PLCD4: variants seen among roughly 807,000 people sequenced by gnomAD.
The protein encoded by PLCD4 is 1-phosphatidylinositol 4,5-bisphosphate phosphodiesterase delta-4.
A neutral mutation model predicts 90.2 loss-of-function variants in PLCD4; 63 were observed. The ratio of observed to expected loss-of-function variants is 0.70; its 90% CI spans 0.57 to 0.86. The LOEUF (loss-of-function observed/expected upper bound fraction) is 0.86. PLCD4 is among the 40% of genes least tolerant of loss of function. The pLI is 0.00. For synonymous variants in PLCD4, 294 were observed against 356.5 expected (o/e 0.82, Z 1.97); for missense variants, 830 against 956.3 (o/e 0.87, Z 1.74).
chr2:218,621,377 A>G (rs1575022955), intron 4 of PLCD4, 93 bp from the exon 5 acceptor site: 208 of 1,444,500 alleles, frequency 1.4e-4, no homozygotes, highest in East Asian at 1.2e-4. Context: ...GACTGGCAGG[A>G]AAGAGAGGGG....
chr2:218,624,639 G>A (rs765567989), intron 6 of PLCD4, among the ~76,000 whole-genome samples: 22 of 150,868 alleles, frequency 1.5e-4, no homozygotes, highest in Non-Finnish European at 2.4e-4. Flanking sequence ...AGAATCGCTT[G>A]AACTCGGGAG....
intron 13 of PLCD4, among the ~76,000 whole-genome samples, chr2:218,635,109 TA>T (rs1384603415): frequency 6.6e-6 from 1 of 151,842 alleles, no homozygotes; most frequent in Non-Finnish European, 1.5e-5. Context: ...ACAAAAAATT[TA>T]AAAATTAGCC....
Position 218,615,690 on chromosome 2 carries a change from C to T in PLCD4, c.-33-17C>T, listed in dbSNP as rs375047835. The T allele has an allele frequency of 7.7e-5, 119 of 1,547,068 alleles. No homozygotes were observed. The highest frequency in any genetic ancestry group is 9.1e-5 in the Non-Finnish European group (105 of 1,148,788). ...CAAGATTCACCCAGAGCCCTTTGCT[C>T]TTCCTTGCTCCTTTAGGTGATCTGG... On this transcript the variant is annotated splice_polypyrimidine_tract_variant and intron_variant, in intron 1 of 15. Coordinates refer to ENST00000450993, the MANE Select transcript of PLCD4 (RefSeq NM_032726.4).
At chr2:218,629,944 G>C (rs1696287080) in intron 8 of PLCD4, among the ~76,000 whole-genome samples, 2 of 152,222 alleles carry the variant, frequency 1.3e-5, no homozygotes, top group Non-Finnish European at 2.9e-5. Flanking sequence ...CTGGGAGGCC[G>C]AGGCGGGTGG....
chr2:218,616,921 TATATATAG>T (rs1695617986), intron 3 of PLCD4, among the ~76,000 whole-genome samples: 2 of 24,958 alleles, frequency 8.0e-5, no homozygotes, highest in Middle Eastern at 0.018. Context: ...TATATATATA[TATATATAG>T]AGAGAGAGAG....
chr2:218,630,646 C>A lies in PLCD4; in HGVS notation c.1120-4C>A. On this transcript the variant is annotated splice_polypyrimidine_tract_variant and splice_region_variant and intron_variant, in intron 8 of 15. Coordinates refer to ENST00000450993, the MANE Select transcript of PLCD4 (RefSeq NM_032726.4). Reference sequence around the variant, plus strand: ...AATCCATTGTTCCCTCCCCTCACCACCAGACATCAGACTACCCAGTCATCT... The same window carrying A: ...AATCCATTGTTCCCTCCCCTCACCAACAGACATCAGACTACCCAGTCATCT... The A allele has an allele frequency of 6.2e-7, 1 of 1,614,030 alleles. No homozygotes were observed.
chr2:218,615,955 G>T lies in PLCD4; in HGVS notation c.74G>T (p.Arg25Leu). The change falls in exon 3 of 16, where the codon CGC becomes CTC. Residue 25 changes from arginine (R) to leucine (L), a missense_variant. By Grantham distance (102) the Arg-to-Leu change is moderately radical (BLOSUM62 -2). Transcript: ENST00000450993. ...CTGATGCAGGAAGGCATGCCGATGC[G>T]CAAGGTGAGGTCCAAAAGCTGGAAG... Reference protein sequence around the residue: ...LLLMQEGMPMRKVRSKSWKKL... With the variant: ...LLLMQEGMPMLKVRSKSWKKL... 3.7e-6 allele frequency: 6 copies of T among 1,614,054 alleles called. No homozygotes were observed. Among genetic ancestry groups the T allele is most frequent in the Non-Finnish European group, 4.2e-6 (5 of 1,179,908 alleles).
At chr2:218,636,168 G>C in intron 14 of PLCD4, 75 bp from the exon 15 acceptor site, 1 of 1,498,770 alleles carries the variant, frequency 6.7e-7, no homozygotes, top group South Asian at 1.2e-5. Context: ...TAGATTAAAT[G>C]AGAACACAAG....
chr2:218,631,988 T>G, intron 9 of PLCD4, 148 bp from the exon 10 acceptor site: 1 of 732,570 alleles, frequency 1.4e-6, no homozygotes, highest in Non-Finnish European at 2.2e-6. Flanking sequence ...GAATTCCAAT[T>G]GTATGTATCA....
intron 7 of PLCD4, chr2:218,628,675 G>T (rs1696222795): frequency 6.1e-6 from 1 of 163,870 alleles, no homozygotes; most frequent in African/African-American, 2.4e-5. Context: ...TGCCTATTCT[G>T]TCTGGGTTGT....
intron 9 of PLCD4, among the ~76,000 whole-genome samples, chr2:218,631,195 G>A (rs975739877): frequency 6.6e-6 from 1 of 151,878 alleles, no homozygotes; most frequent in Non-Finnish European, 1.5e-5. Context: ...ACAGAGTTTC[G>A]CTCTTGTCGC....
chr2:218,630,620 G>T, intron 8 of PLCD4, 30 bp from the exon 9 acceptor site: 1 of 1,613,828 alleles, frequency 6.2e-7, no homozygotes, highest in Non-Finnish European at 8.5e-7. Flanking sequence ...TTAGAACTCT[G>T]AATCCATTGT....
intron 3 of PLCD4, among the ~76,000 whole-genome samples, chr2:218,616,962 A>AGAGAGAGAGAT: frequency 2.0e-5 from 2 of 102,374 alleles, no homozygotes; most frequent in African/African-American, 6.7e-5. Flanking sequence ...AGAGAGAGAG[A>AGAGAGAGAGAT]GAGAGAGAGA....
rs183859551 is a variant in PLCD4, at chr2:218,614,236, G to A, written c.-33-1471G>A. Among the ~76,000 whole-genome samples, 1,089 of 152,134 alleles carry A rather than the reference G, an allele frequency of 7.2e-3. 10 individuals carry two copies. The highest frequency in any genetic ancestry group is 0.025 in the African/African-American group (1,040 of 41,516). ...GGGTTTCACTATGTTGGCCAGGCTGGTCTTGAACTTCTGACTTCATGGTCC... is the reference window on the plus strand; with the variant it reads ...GGGTTTCACTATGTTGGCCAGGCTGATCTTGAACTTCTGACTTCATGGTCC... On this transcript the variant is annotated intron_variant, in intron 1 of 15. Transcript: ENST00000450993.
At chr2:218,608,418 G>A (rs1695184952) in intron 1 of PLCD4, among the ~76,000 whole-genome samples, 1 of 152,176 alleles carries the variant, frequency 6.6e-6, no homozygotes, top group South Asian at 2.1e-4. Context: ...TTAACAGTTT[G>A]TTGAGGGTTG....
chr2:218,631,479 A>G (rs1696361907), intron 9 of PLCD4, among the ~76,000 whole-genome samples: 2 of 148,086 alleles, frequency 1.4e-5, no homozygotes, highest in Non-Finnish European at 2.9e-5. Flanking sequence ...TTTTCAAGTT[A>G]TGTTTCTAAA....
At chr2:218,633,268 T>G in intron 10 of PLCD4, 1 of 630,754 alleles carries the variant, frequency 1.6e-6, no homozygotes, top group East Asian at 2.7e-5. Context: ...TGTTTAAATA[T>G]AATAATAAAT....
chr2:218,634,526 G>A lies in PLCD4; in HGVS notation c.1792G>A (p.Gly598Ser), dbSNP rs755755440. The change falls in exon 13 of 16, where the codon GGC (glycine) becomes AGC (serine). Residue 598 changes from glycine (G) to serine (S), a missense_variant. Gly to Ser is a moderately conservative substitution (Grantham distance 56, BLOSUM62 0). Coordinates refer to ENST00000450993, the MANE Select transcript of PLCD4 (RefSeq NM_032726.4). The surrounding 1 kb of genome is among the most constrained non-coding windows in gnomAD (Gnocchi z 4.0). Reference protein sequence around the residue: ...ICDGHFRQNGGCGYVLKPDFL... With the variant: ...ICDGHFRQNGSCGYVLKPDFL... ...TGATGGGCATTTCCGCCAGAATGGC[G>A]GCTGTGGCTATGTGCTGAAGCCAGA... 8.1e-6 allele frequency: 13 copies of A among 1,613,952 alleles called. No homozygotes were observed. The highest frequency in any genetic ancestry group is 6.7e-5 in the Admixed American group (4 of 60,010).
chr2:218,621,200 T>C (rs553663942), intron 4 of PLCD4, among the ~76,000 whole-genome samples: 1 of 152,312 alleles, frequency 6.6e-6, no homozygotes, highest in African/African-American at 2.4e-5. Context: ...TCCAAAGTGT[T>C]GGGTTACAGG....
Sources: allele counts gnomAD v4.1 joint callset (sites outside exome capture counted in the v4.1 genomes callset), GRCh38; gene constraint gnomAD v4.1.1; non-coding constraint Gnocchi (gnomAD v3.1); transcripts MANE v1.5; gene names NCBI Gene and HGNC (gene_info 2026-07-23, HGNC 2026-07-21).